Variants in CNTN4 observed in about 807,000 individuals in gnomAD.
CNTN4 encodes contactin-4.
In CNTN4, 77 loss-of-function variants were observed where a neutral mutation model predicts 122.5. That is an observed-to-expected ratio of 0.63 (90% confidence interval 0.52 to 0.76). CNTN4 has a LOEUF of 0.76. Ranked by LOEUF, CNTN4 falls within the 30% of genes least tolerant of loss-of-function variation. The pLI, the probability that CNTN4 is intolerant of heterozygous loss-of-function variation, is 0.00. For synonymous variants in CNTN4, 512 were observed against 447.0 expected, an observed-to-expected ratio of 1.15 and a Z score of -1.83; for missense variants, 1,256 against 1,259.1, an observed-to-expected ratio of 1.00 and a Z score of 0.04.
At position 2,466,709 on chromosome 3, in the gene CNTN4, A is replaced by G. The variant is rs868285983; in HGVS notation, c.-88-104707A>G. The stretch of plus-strand genomic sequence containing the variant: ...ACTATTGTTTTCATGATGAAGCTGG[A>G]TTGTTTTGATATATATTCTATTTCA... On this transcript the variant is annotated intron_variant, in intron 3 of 24. Transcript: ENST00000418658. 5.3e-5 allele frequency among the ~76,000 whole-genome samples: 8 copies of G among 152,256 alleles called. No homozygotes were observed. The Middle Eastern group carries it at 0.017, about 324-fold the overall frequency.
At position 2,736,277 on chromosome 3, in the gene CNTN4, G is replaced by T. The variant is rs1273632633; in HGVS notation, c.118G>T (p.Asp40Tyr). The T allele has an allele frequency of 1.9e-6, 3 of 1,613,578 alleles. No homozygotes were observed. Among genetic ancestry groups the T allele is most frequent in the Non-Finnish European group, 2.5e-6 (3 of 1,179,740 alleles). Residue 40 changes from aspartate to tyrosine, a missense_variant, in exon 5 of 25, where the codon GAT becomes TAT. Physicochemically the swap from Asp to Tyr is radical, Grantham distance 160. Transcript: ENST00000418658. Reference protein sequence around the residue: ...QEPSPVMFPLDSEEKKVKLNC... With the variant: ...QEPSPVMFPLYSEEKKVKLNC... Reference sequence around the variant, plus strand: ...ACCAAGTCCTGTAATGTTCCCTTTGGATTCTGAGGAGAAAAAAGTGAAGCT... The same window carrying T: ...ACCAAGTCCTGTAATGTTCCCTTTGTATTCTGAGGAGAAAAAAGTGAAGCT...
chr3:2,587,662 G>A (rs2080265370), intron 4 of CNTN4, among the ~76,000 whole-genome samples: 1 of 152,152 alleles, frequency 6.6e-6, no homozygotes, highest in African/African-American at 2.4e-5. Flanking sequence ...GCTCGATTCA[G>A]TTGAATTTAA....
At chr3:3,046,258 A>G (rs371365621) in intron 23 of CNTN4, among the ~76,000 whole-genome samples, 1 of 152,200 alleles carries the variant, frequency 6.6e-6, no homozygotes, top group East Asian at 1.9e-4. Flanking sequence ...CCAACATTCA[A>G]ATTCAGGAAA....
intron 3 of CNTN4, among the ~76,000 whole-genome samples, chr3:2,533,567 G>C (rs546037976): frequency 2.0e-5 from 3 of 152,168 alleles, no homozygotes; most frequent in East Asian, 1.9e-4. Context: ...CCAAGTCTTT[G>C]CTATTGTGAA....
intron 2 of CNTN4, among the ~76,000 whole-genome samples, chr3:2,331,509 A>G (rs914892301): frequency 6.6e-6 from 1 of 152,156 alleles, no homozygotes; most frequent in Non-Finnish European, 1.5e-5. Context: ...GACTTTGCCA[A>G]CAAATTACCT....
chr3:2,486,024 T>G (rs2076150691), intron 3 of CNTN4, among the ~76,000 whole-genome samples: 1 of 152,140 alleles, frequency 6.6e-6, no homozygotes, highest in Non-Finnish European at 1.5e-5. Context: ...GCTCACTCTT[T>G]GGGTCCACAC....
At chr3:2,600,628 C>A (rs920597879) in intron 4 of CNTN4, among the ~76,000 whole-genome samples, 1 of 152,132 alleles carries the variant, frequency 6.6e-6, no homozygotes, top group Admixed American at 6.5e-5. Context: ...GATTCCAAGT[C>A]TTTGCTATTG....
chr3:2,429,558 G>A (rs925786137), intron 3 of CNTN4, among the ~76,000 whole-genome samples: 8 of 152,212 alleles, frequency 5.3e-5, no homozygotes, highest in Admixed American at 2.6e-4. Flanking sequence ...CAGTCTGTCC[G>A]TTCTCAGATC....
At chr3:2,612,867 C>G (rs1035940756) in intron 4 of CNTN4, among the ~76,000 whole-genome samples, 5 of 152,156 alleles carry the variant, frequency 3.3e-5, no homozygotes, top group Non-Finnish European at 7.4e-5. Context: ...TCAGCAATTT[C>G]TCACACTGTT....
rs535492981 is a variant in CNTN4 at position 2,695,668 on chromosome 3, T to A, written c.56-40547T>A. ...GAGCATAATCTTTGTTGTCCTAAAGTATATACATGGCAGGAGAAAACAATC... is the reference window on the plus strand; with the variant it reads ...GAGCATAATCTTTGTTGTCCTAAAGAATATACATGGCAGGAGAAAACAATC... On this transcript the variant is annotated intron_variant, in intron 4 of 24. Coordinates refer to ENST00000418658, the MANE Select transcript of CNTN4 (RefSeq NM_175607.3). 2.1e-4 allele frequency among the ~76,000 whole-genome samples: 32 copies of A among 152,314 alleles called. No homozygotes were observed. In the South Asian group the frequency reaches 6.2e-3, roughly 30 times the overall value.
chr3:2,210,977 A>C (rs898761260), intron 2 of CNTN4, among the ~76,000 whole-genome samples: 15 of 152,206 alleles, frequency 9.9e-5, no homozygotes, highest in African/African-American at 3.6e-4. Context: ...TGAATCACGC[A>C]GTGTGTATTA....
chr3:2,159,781 A>G (rs1481151904), intron 2 of CNTN4, among the ~76,000 whole-genome samples: 3 of 151,670 alleles, frequency 2.0e-5, no homozygotes, highest in Admixed American at 6.6e-5. Context: ...TGTTTGTCCC[A>G]CAATCATTTT....
At chr3:2,203,574 C>G (rs1055045735) in intron 2 of CNTN4, among the ~76,000 whole-genome samples, 2 of 152,072 alleles carry the variant, frequency 1.3e-5, no homozygotes, top group African/African-American at 2.4e-5. Flanking sequence ...GAGAAAGGCT[C>G]TATTTTCTCT....
chr3:2,182,672 C>A (rs2037070245), intron 2 of CNTN4, among the ~76,000 whole-genome samples: 1 of 152,116 alleles, frequency 6.6e-6, no homozygotes, highest in African/African-American at 2.4e-5. Context: ...CTATATGACT[C>A]ATTGTAACAT....
intron 2 of CNTN4, among the ~76,000 whole-genome samples, chr3:2,139,782 G>C (rs1030854200): frequency 6.6e-6 from 1 of 152,216 alleles, no homozygotes; most frequent in South Asian, 2.1e-4. Context: ...CTCTTCCTCA[G>C]TGTAGCCACT....
chr3:2,951,436 G>A (rs2094743204), intron 13 of CNTN4, among the ~76,000 whole-genome samples: 1 of 152,200 alleles, frequency 6.6e-6, no homozygotes, highest in Non-Finnish European at 1.5e-5. Flanking sequence ...AGCACAGACT[G>A]TGATGCTTGC....
At chr3:2,889,674 C>T (rs1043400421) in intron 10 of CNTN4, among the ~76,000 whole-genome samples, 1 of 152,140 alleles carries the variant, frequency 6.6e-6, no homozygotes, top group African/African-American at 2.4e-5. Context: ...CTCTTCAGTT[C>T]AGTGGTGGCT....
chr3:2,731,278 A>AT (rs1017834230), intron 4 of CNTN4, among the ~76,000 whole-genome samples: 63 of 152,002 alleles, frequency 4.1e-4, no homozygotes, highest in Admixed American at 2.0e-3. Context: ...ATGAAAGCAG[A>AT]TTTTTTCAGC....
intron 10 of CNTN4, among the ~76,000 whole-genome samples, chr3:2,899,783 T>C (rs2094153303): frequency 6.6e-6 from 1 of 152,244 alleles, no homozygotes; most frequent in East Asian, 1.9e-4. Flanking sequence ...GGAGGTTTGA[T>C]AAAAATCAGA....
Sources: allele counts gnomAD v4.1 joint callset (sites outside exome capture counted in the v4.1 genomes callset), GRCh38; gene constraint gnomAD v4.1.1; transcripts MANE v1.5; gene names NCBI Gene and HGNC (gene_info 2026-07-23, HGNC 2026-07-21).